Variants in FLVCR2 observed in about 807,000 individuals in gnomAD.
FLVCR2 encodes FLVCR choline and putative heme transporter 2.
FLVCR2 carries 38 observed loss-of-function variants against 48.9 expected under a neutral mutation model. That is an observed-to-expected ratio of 0.78 (90% CI 0.60 to 1.02). FLVCR2 has a LOEUF of 1.02. Ranked by LOEUF, FLVCR2 falls within the 50% of genes least tolerant of loss-of-function variation. The pLI, the probability that FLVCR2 is intolerant of heterozygous loss-of-function variation, is 0.00. For synonymous variants in FLVCR2, 255 were observed against 257.0 expected, an observed-to-expected ratio of 0.99 and a Z score of 0.07; for missense variants, 664 against 663.3, an observed-to-expected ratio of 1.00 and a Z score of -0.01.
chr14:75,588,424 TCATGTCTCAGTAGTGTTA>T (rs1888801424), intron 1 of FLVCR2, among the ~76,000 whole-genome samples: 3 of 152,226 alleles, frequency 2.0e-5, no homozygotes, highest in African/African-American at 7.2e-5. Context: ...CTTAAAGGTC[TCATGTCTCAGTAGTGTTA>T]CATTGGGAAT....
chr14:75,642,110 C>A, intron 9 of FLVCR2: 1 of 596,860 alleles, frequency 1.7e-6, no homozygotes, highest in Non-Finnish European at 3.0e-6. Flanking sequence ...TTCTTGGACT[C>A]TTCTCCCACT....
chr14:75,590,486 T>C (rs1439581360), intron 1 of FLVCR2, among the ~76,000 whole-genome samples: 1 of 152,240 alleles, frequency 6.6e-6, no homozygotes, highest in Non-Finnish European at 1.5e-5. Flanking sequence ...CTTAACTTGC[T>C]GATATGGTTT....
At chr14:75,645,225 C>G (rs888954604) in intron 9 of FLVCR2, among the ~76,000 whole-genome samples, 1 of 152,166 alleles carries the variant, frequency 6.6e-6, no homozygotes, top group East Asian at 1.9e-4. Flanking sequence ...TTACCACAAA[C>G]AGGCACTGAG....
intron 1 of FLVCR2, among the ~76,000 whole-genome samples, chr14:75,586,674 T>C (rs376390067): frequency 4.2e-4 from 64 of 152,308 alleles, no homozygotes; most frequent in African/African-American, 1.5e-3. Flanking sequence ...ACTTTGACCC[T>C]GACCACACAG....
intron 1 of FLVCR2, among the ~76,000 whole-genome samples, chr14:75,614,030 T>G (rs1889539843): frequency 6.6e-6 from 1 of 152,232 alleles, no homozygotes. Context: ...GGTATGTAGA[T>G]ATACACATTT....
At chr14:75,644,628 C>T (rs1890377011) in intron 9 of FLVCR2, among the ~76,000 whole-genome samples, 1 of 152,156 alleles carries the variant, frequency 6.6e-6, no homozygotes, top group Admixed American at 6.5e-5. Context: ...CCTGTGGCAG[C>T]ATGGTATTAT....
chr14:75,612,864 G>A (rs149642062), intron 1 of FLVCR2, among the ~76,000 whole-genome samples: 4 of 152,292 alleles, frequency 2.6e-5, no homozygotes, highest in African/African-American at 9.6e-5. Flanking sequence ...CTCTAGCCTG[G>A]TCTCCTCCAC....
chr14:75,579,587 G>T lies in FLVCR2; in HGVS notation c.615G>T (p.Trp205Cys), dbSNP rs1394271295. 4 of 1,614,108 alleles carry T rather than the reference G, an allele frequency of 2.5e-6. No homozygotes were observed. In the South Asian group the frequency reaches 3.3e-5, roughly 13 times the overall value. The change falls in exon 1 of 10, where the codon TGG becomes TGT. Residue 205 changes from tryptophan (W) to cysteine (C), a missense_variant. Coordinates refer to ENST00000238667, the MANE Select transcript of FLVCR2 (RefSeq NM_017791.3). ...LGMPSRIASVWFGANEVSTAC... is the reference protein window; with the variant it reads ...LGMPSRIASVCFGANEVSTAC... The stretch of plus-strand genomic sequence containing the variant: ...TGCCCTCCCGCATCGCTTCCGTCTG[G>T]TTCGGGGCTAATGAGGTTTCAACAG...
rs550365682 is a variant in FLVCR2 at position 75,626,711 on chromosome 14, G to C, written c.952+1959G>C. Among the ~76,000 whole-genome samples, 223 of 152,050 alleles carry C rather than the reference G, an allele frequency of 1.5e-3. 6 individuals are homozygous for C. The highest frequency in any genetic ancestry group is 5.2e-3 in the African/African-American group (214 of 41,324). On this transcript the variant is annotated intron_variant, in intron 3 of 9. Coordinates refer to ENST00000238667, the MANE Select transcript of FLVCR2 (RefSeq NM_017791.3). ...ACCACTTGATGGGAATGTTGTAGGGGATCTCAGGCTAAAGATGGATAGTGA... is the reference window on the plus strand; with the variant it reads ...ACCACTTGATGGGAATGTTGTAGGGCATCTCAGGCTAAAGATGGATAGTGA...
intron 1 of FLVCR2, chr14:75,595,882 C>A (rs1454854482): frequency 2.8e-6 from 3 of 1,055,584 alleles, no homozygotes; most frequent in Admixed American, 1.7e-5. Flanking sequence ...TTCTTGCGTT[C>A]CTCTCATTGC....
chr14:75,614,947 C>A (rs1481144056), intron 1 of FLVCR2, among the ~76,000 whole-genome samples: 1 of 152,186 alleles, frequency 6.6e-6, no homozygotes, highest in Non-Finnish European at 1.5e-5. Context: ...CCCCATGATC[C>A]AGTCACCTCC....
intron 1 of FLVCR2, among the ~76,000 whole-genome samples, chr14:75,593,635 C>T (rs751002130): frequency 1.3e-5 from 2 of 152,206 alleles, no homozygotes; most frequent in Non-Finnish European, 2.9e-5. Context: ...CTCCCAACAC[C>T]ACCCCATTGG....
chr14:75,579,117 C>A lies in FLVCR2; in HGVS notation c.145C>A (p.Pro49Thr), dbSNP rs369546881. The change falls in exon 1 of 10, where the codon CCC becomes ACC. Residue 49 changes from proline to threonine, a missense_variant. Coordinates refer to ENST00000238667, the MANE Select transcript of FLVCR2 (RefSeq NM_017791.3). ...CATCAACCCCAGCGTCTCTGTCCAC[C>A]CCAGCAGTTCGGCCCACCCCAGTGC... is the stretch of plus-strand genomic sequence containing the variant. ...VSINPSVSVH[P>T]SSSAHPSALA... The A allele has an allele frequency of 6.2e-7, 1 of 1,613,992 alleles. No homozygotes were observed.
At chr14:75,603,394 C>A (rs1321860797) in intron 1 of FLVCR2, among the ~76,000 whole-genome samples, 1 of 152,166 alleles carries the variant, frequency 6.6e-6, no homozygotes, top group Non-Finnish European at 1.5e-5. Context: ...GGCTGGACAG[C>A]GGGACTTCAG....
At chr14:75,612,576 C>T (rs1413921151) in intron 1 of FLVCR2, among the ~76,000 whole-genome samples, 1 of 152,146 alleles carries the variant, frequency 6.6e-6, no homozygotes, top group Admixed American at 6.6e-5. Context: ...CAAAAGAAGC[C>T]TTGGATTTGG....
chr14:75,605,506 G>A, intron 1 of FLVCR2: 2 of 1,526,876 alleles, frequency 1.3e-6, no homozygotes, highest in Non-Finnish European at 1.8e-6. Flanking sequence ...CCTTTTTCAT[G>A]CTGTGCAAAA....
intron 1 of FLVCR2, among the ~76,000 whole-genome samples, chr14:75,617,838 A>G (rs1889654493): frequency 6.6e-6 from 1 of 152,180 alleles, no homozygotes; most frequent in Admixed American, 6.5e-5. Context: ...CAGGAACCCA[A>G]CCTCATGTAA....
chr14:75,597,609 C>T (rs1889056680), intron 1 of FLVCR2, among the ~76,000 whole-genome samples: 1 of 152,018 alleles, frequency 6.6e-6, no homozygotes, highest in Admixed American at 6.6e-5. Flanking sequence ...TCACTTTGCC[C>T]CCCAGGTTGG....
chr14:75,639,148 T>C (rs748628550), intron 5 of FLVCR2, among the ~76,000 whole-genome samples: 4 of 151,810 alleles, frequency 2.6e-5, no homozygotes, highest in Non-Finnish European at 5.9e-5. Context: ...GAGGTAGAGG[T>C]TTCAGCGAGC....
Sources: gnomAD v4.1 joint callset for allele counts (sites outside exome capture counted in the v4.1 genomes callset) on GRCh38, gnomAD v4.1.1 for gene constraint, MANE v1.5 for transcripts, NCBI Gene and HGNC (gene_info 2026-07-23, HGNC 2026-07-21) for gene names.